ZNF536: variants seen among roughly 807,000 people sequenced by gnomAD.
ZNF536 encodes zinc finger protein 536.
A neutral mutation model predicts 84.5 loss-of-function variants in ZNF536; 13 were observed. The ratio of observed to expected loss-of-function variants is 0.15; its 90% confidence interval spans 0.10 to 0.24. The LOEUF is 0.24. Ranked by LOEUF, ZNF536 falls within the 10% of genes least tolerant of loss-of-function variation. ZNF536 has a pLI of 1.00. For synonymous variants in ZNF536, 811 were observed against 742.5 expected (o/e 1.09, Z -1.50); for missense variants, 1,536 against 1,747.5 (o/e 0.88, Z 2.16).
intron 1 of ZNF536, among the ~76,000 whole-genome samples, chr19:30,667,714 C>T (rs1423703827): frequency 6.7e-6 from 1 of 148,912 alleles, no homozygotes; most frequent in East Asian, 2.0e-4. Flanking sequence ...CTCTGGAAGC[C>T]CAGAGCATGT....
At chr19:30,368,479 C>A (rs1020696163), upstream of ZNF536, among the ~76,000 whole-genome samples, 1 of 152,180 alleles carries the variant, frequency 6.6e-6, no homozygotes, top group Non-Finnish European at 1.5e-5. Flanking sequence ...GATGTGCCTG[C>A]GAGGGCAACA....
At chr19:30,291,976 A>G (rs1417452384) in intron 2 of ZNF536, among the ~76,000 whole-genome samples, 1 of 152,188 alleles carries the variant, frequency 6.6e-6, no homozygotes, top group Non-Finnish European at 1.5e-5. Context: ...CTATTTGTTT[A>G]TATGTTGTCT....
chr19:30,451,961 C>G lies in ZNF536; in HGVS notation c.2170+6229C>G, dbSNP rs955271623. On this transcript the variant is annotated intron_variant, in intron 2 of 4. Transcript: ENST00000355537. ...TAAGCGGTCAATTTTCAAAACAGAG[C>G]TTGAAGCATTAGCTGCGTGATTTCC... is the stretch of plus-strand genomic sequence containing the variant. Among the ~76,000 whole-genome samples, 5 of 152,226 alleles carry G rather than the reference C, an allele frequency of 3.3e-5. No homozygotes were observed. In the South Asian group the frequency reaches 1.0e-3, roughly 32 times the overall value.
At chr19:30,226,663 G>T (rs2022631705), upstream of ZNF536, among the ~76,000 whole-genome samples, 1 of 152,120 alleles carries the variant, frequency 6.6e-6, no homozygotes, top group Non-Finnish European at 1.5e-5. This position sits in a 1 kb window ranked among gnomAD's most constrained non-coding sequence, Gnocchi z 4.6. Flanking sequence ...CCCAGCCGGG[G>T]GCCAAAGAGG....
At chr19:30,427,263 G>A (rs963956352) in intron 1 of ZNF536, among the ~76,000 whole-genome samples, 1 of 152,230 alleles carries the variant, frequency 6.6e-6, no homozygotes, top group African/African-American at 2.4e-5. Context: ...GACAGAAGGT[G>A]TGGACAACTC....
intron 1 of ZNF536, among the ~76,000 whole-genome samples, chr19:30,702,301 A>G (rs1948071942): frequency 6.6e-6 from 1 of 152,216 alleles, no homozygotes; most frequent in Admixed American, 6.5e-5. Context: ...TATATTATTC[A>G]TAGTGGATTA....
At chr19:30,461,039 C>T (rs892233892) in intron 2 of ZNF536, among the ~76,000 whole-genome samples, 4 of 152,126 alleles carry the variant, frequency 2.6e-5, no homozygotes, top group African/African-American at 9.7e-5. Context: ...CGTGTGGGCG[C>T]GTCGGAGGGG....
chr19:30,518,213 C>T (rs1272115689), intron 2 of ZNF536, among the ~76,000 whole-genome samples: 1 of 152,210 alleles, frequency 6.6e-6, no homozygotes, highest in African/African-American at 2.4e-5. Flanking sequence ...GGCGAAGGGG[C>T]AGCAGCAACC....
intron 1 of ZNF536, among the ~76,000 whole-genome samples, chr19:30,436,965 G>A (rs10414981): frequency 8.3e-4 from 127 of 152,226 alleles, no homozygotes; most frequent in Middle Eastern, 6.8e-3. Flanking sequence ...TTTCACCCAC[G>A]TCGATGAAAA....
At chr19:30,541,136 G>A (rs757992815) in intron 3 of ZNF536, among the ~76,000 whole-genome samples, 1 of 152,202 alleles carries the variant, frequency 6.6e-6, no homozygotes, top group Non-Finnish European at 1.5e-5. Context: ...CCCGAGCAGT[G>A]GCTGGTACAT....
intron 2 of ZNF536, among the ~76,000 whole-genome samples, chr19:30,492,389 A>G (rs754558940): frequency 3.7e-4 from 57 of 152,150 alleles, no homozygotes; most frequent in Non-Finnish European, 7.9e-4. Context: ...GGTCATTTCT[A>G]TAGCTCCTTC....
At chr19:30,545,820 TC>T (rs932571104) in intron 3 of ZNF536, among the ~76,000 whole-genome samples, 10 of 152,054 alleles carry the variant, frequency 6.6e-5, no homozygotes, top group African/African-American at 2.4e-4. Flanking sequence ...AAGTCCACCT[TC>T]CCCCTCTTTA....
intron 1 of ZNF536, among the ~76,000 whole-genome samples, chr19:30,393,236 G>T (rs1011113009): frequency 2.6e-5 from 4 of 152,136 alleles, no homozygotes; most frequent in African/African-American, 9.7e-5. Context: ...GGGGTTGGGG[G>T]CGGGGGAGAG....
At chr19:30,248,224 CTT>C (rs58799737) in intron 1 of ZNF536, among the ~76,000 whole-genome samples, 41 of 130,874 alleles carry the variant, frequency 3.1e-4, no homozygotes, top group East Asian at 4.7e-4. Context: ...TCTTTTCTTT[CTT>C]TTTTTTTTTT....
At chr19:30,578,772 C>T (rs1489160440) in intron 1 of ZNF536, among the ~76,000 whole-genome samples, 1 of 152,230 alleles carries the variant, frequency 6.6e-6, no homozygotes, top group Non-Finnish European at 1.5e-5. Context: ...AGGCTTGACA[C>T]CCAGCTCCAC....
At chr19:30,664,635 C>T (rs1406220715) in intron 1 of ZNF536, among the ~76,000 whole-genome samples, 3 of 152,206 alleles carry the variant, frequency 2.0e-5, no homozygotes. Flanking sequence ...TCTACAAAGT[C>T]CCTGGCACGT....
At position 30,233,562 on chromosome 19, in the gene ZNF536, G is replaced by T. The variant is rs2023243152; in HGVS notation, c.-190+4889G>T. 2.0e-5 allele frequency among the ~76,000 whole-genome samples: 3 copies of T among 151,780 alleles called. No homozygotes were observed. In the South Asian group the frequency reaches 6.2e-4, roughly 32 times the overall value. On this transcript the variant is annotated intron_variant, in intron 1 of 5. Coordinates refer to the ZNF536 transcript ENST00000585628. ...GGGGTCTTGCTATGTTGCCCAGGCT[G>T]GTTGCAAACCCCTGGCCTCAGGCAG...
intron 2 of ZNF536, among the ~76,000 whole-genome samples, chr19:30,296,611 A>G (rs1303057486): frequency 6.6e-6 from 1 of 152,124 alleles, no homozygotes; most frequent in African/African-American, 2.4e-5. Context: ...CTAACCATGG[A>G]AGGCTGGCTT....
intron 2 of ZNF536, among the ~76,000 whole-genome samples, chr19:30,343,249 C>A (rs956299326): frequency 6.6e-6 from 1 of 152,172 alleles, no homozygotes; most frequent in Non-Finnish European, 1.5e-5. Flanking sequence ...TAAACAGTGT[C>A]GGCTTCATAC....
Sources: gnomAD v4.1 joint callset for allele counts (sites outside exome capture counted in the v4.1 genomes callset) on GRCh38, gnomAD v4.1.1 for gene constraint, Gnocchi (gnomAD v3.1) non-coding constraint, MANE v1.5 for transcripts, NCBI Gene and HGNC (gene_info 2026-07-23, HGNC 2026-07-21) for gene names.